The following TSPAN9 variants were observed in gnomAD, a reference collection of about 807,000 sequenced individuals.
TSPAN9 encodes the protein tetraspanin 9.
A neutral mutation model predicts 31.0 loss-of-function variants in TSPAN9; 16 were observed. The observed-to-expected ratio is 0.52, with a 90% CI of 0.35 to 0.78. The LOEUF is 0.78. TSPAN9 is among the 30% of genes least tolerant of loss of function. TSPAN9 has a pLI of 0.01. For missense variants in TSPAN9, 272 were observed against 312.5 expected (o/e 0.87, Z 0.98); for synonymous variants, 145 against 121.6 (o/e 1.19, Z -1.27).
chr12:3,179,470 C>G (rs1042646447), intron 2 of TSPAN9, among the ~76,000 whole-genome samples: 3 of 152,174 alleles, frequency 2.0e-5, no homozygotes, highest in African/African-American at 7.2e-5. Context: ...TGCTTGGAGC[C>G]TTCAGATGCG....
chr12:3,248,588 C>T (rs889914591), intron 3 of TSPAN9, among the ~76,000 whole-genome samples: 7 of 150,806 alleles, frequency 4.6e-5, no homozygotes, highest in African/African-American at 1.5e-4. Flanking sequence ...AGCATTTTTA[C>T]GTCCATTACA....
chr12:3,268,590 ATTCCTGCAGCCTGCCCTCCCTGTG>A (rs1565639457), intron 3 of TSPAN9, among the ~76,000 whole-genome samples: 4 of 29,746 alleles, frequency 1.3e-4, no homozygotes, highest in African/African-American at 6.0e-4. Flanking sequence ...CCCTCCGTGC[ATTCCTGCAGCCTGCCCTCCCTGTG>A]TTCCTGCAGC....
intron 2 of TSPAN9, among the ~76,000 whole-genome samples, chr12:3,138,632 CAAAAA>C (rs11295678): frequency 3.3e-5 from 5 of 149,940 alleles, no homozygotes; most frequent in East Asian, 4.0e-4. Flanking sequence ...ATCCGCCATA[CAAAAA>C]AAAAAAAAGG....
At chr12:3,233,426 C>T (rs2098391823) in intron 3 of TSPAN9, among the ~76,000 whole-genome samples, 1 of 152,204 alleles carries the variant, frequency 6.6e-6, no homozygotes, top group Non-Finnish European at 1.5e-5. Context: ...CTCCTGAGGG[C>T]ATTTTTATCA....
At chr12:3,077,876 C>G (rs112224683) in intron 1 of TSPAN9, among the ~76,000 whole-genome samples, 4 of 152,294 alleles carry the variant, frequency 2.6e-5, no homozygotes, top group African/African-American at 9.6e-5. Flanking sequence ...TGGCCTGCAG[C>G]CCCCCGGCAC....
intron 2 of TSPAN9, among the ~76,000 whole-genome samples, chr12:3,135,971 T>A (rs1382055964): frequency 1.3e-5 from 2 of 152,144 alleles, no homozygotes; most frequent in Non-Finnish European, 2.9e-5. Context: ...TTCAGTGTCT[T>A]AAAGGGTCCA....
intron 3 of TSPAN9, among the ~76,000 whole-genome samples, chr12:3,224,569 C>G (rs1225542657): frequency 1.3e-5 from 2 of 152,316 alleles, no homozygotes; most frequent in Non-Finnish European, 2.9e-5. Flanking sequence ...TGGGGCAGCC[C>G]AGCTGGGAGA....
chr12:3,099,335 T>C (rs2098310734), intron 2 of TSPAN9, among the ~76,000 whole-genome samples: 2 of 152,204 alleles, frequency 1.3e-5, no homozygotes, highest in South Asian at 2.1e-4. Flanking sequence ...GTATTTTTCA[T>C]TTCTGACATT....
intron 3 of TSPAN9, among the ~76,000 whole-genome samples, chr12:3,274,938 T>C (rs1239024387): frequency 6.6e-6 from 1 of 152,220 alleles, no homozygotes; most frequent in Non-Finnish European, 1.5e-5. Context: ...CAGTCCAGAC[T>C]GCGCCCCCGT....
chr12:3,141,383 G>A (rs567695678), intron 2 of TSPAN9, among the ~76,000 whole-genome samples: 2 of 152,258 alleles, frequency 1.3e-5, no homozygotes, highest in South Asian at 2.1e-4. Flanking sequence ...CTCCCAGCCT[G>A]GTGGTGATGG....
intron 2 of TSPAN9, among the ~76,000 whole-genome samples, chr12:3,152,024 GGGGGC>G (rs2098340016): frequency 6.6e-6 from 1 of 152,230 alleles, no homozygotes; most frequent in Admixed American, 6.5e-5. Context: ...GCCTGCTGGA[GGGGGC>G]TGTGATTTGC....
intron 3 of TSPAN9, among the ~76,000 whole-genome samples, chr12:3,228,089 C>T (rs1019498382): frequency 6.6e-6 from 1 of 152,196 alleles, no homozygotes; most frequent in East Asian, 1.9e-4. Context: ...GGGCTCATGT[C>T]TGTAATCCCA....
rs535569919 is a variant in TSPAN9 at position 3,193,701 on chromosome 12, C to T, written c.-17-7476C>T. 5.3e-5 allele frequency among the ~76,000 whole-genome samples: 8 copies of T among 152,360 alleles called. No homozygotes were observed. In the East Asian group the frequency reaches 9.6e-4, roughly 18 times the overall value. On this transcript the variant is annotated intron_variant, in intron 2 of 8. Coordinates refer to ENST00000011898, the MANE Select transcript of TSPAN9 (RefSeq NM_006675.5). ...GGCAGCAGTGCTCCTGGCTGTGCTC[C>T]GTGGAGCCCCTCCAAGAGGCCCAGC...
chr12:3,097,379 G>T (rs1011046160), intron 2 of TSPAN9, among the ~76,000 whole-genome samples: 8 of 152,238 alleles, frequency 5.3e-5, no homozygotes, highest in Non-Finnish European at 1.2e-4. Context: ...GCTGAGCTCA[G>T]ATCTCTCTGG....
chr12:3,270,762 A>C (rs574047214), intron 3 of TSPAN9, among the ~76,000 whole-genome samples: 1 of 152,348 alleles, frequency 6.6e-6, no homozygotes, highest in Non-Finnish European at 1.5e-5. Context: ...TCTCGGATAG[A>C]ATCTCCTTCA....
rs1198021241 is a variant in TSPAN9 at position 3,168,823 on chromosome 12, AT to A, written c.-17-32353del. Among the ~76,000 whole-genome samples the A allele has an allele frequency of 6.6e-6, 1 of 152,168 alleles. No homozygotes were observed. The highest frequency in any genetic ancestry group is 2.4e-5 in the African/African-American group (1 of 41,450). Reference sequence around the variant, plus strand: ...AAGTACTCGTTGAGTAAATGAATGAATCAGATGCGCTGCCTCGATGGCCCCG... The same window carrying A: ...AAGTACTCGTTGAGTAAATGAATGAACAGATGCGCTGCCTCGATGGCCCCG... On this transcript the variant is annotated intron_variant, in intron 2 of 8. Transcript: ENST00000011898. The surrounding 1 kb of genome is among the most constrained non-coding windows in gnomAD (Gnocchi z 4.0).
At chr12:3,224,667 T>A (rs940651778) in intron 3 of TSPAN9, among the ~76,000 whole-genome samples, 2 of 152,230 alleles carry the variant, frequency 1.3e-5, no homozygotes, top group South Asian at 4.1e-4. Flanking sequence ...GGATCTCCGA[T>A]GAGGCCTAGC....
rs5796038 is a variant in TSPAN9, at chr12:3,147,105, CCTTA to C, written c.-17-54068_-17-54065del. 0.069 allele frequency among the ~76,000 whole-genome samples: 10,550 copies of C among 152,158 alleles called. 400 individuals are homozygous for C. Among genetic ancestry groups the C allele is most frequent in the East Asian group, 0.14 (695 of 5,132 alleles). The stretch of plus-strand genomic sequence containing the variant: ...AAACTAGCATTCTCTCCCCTTTTCT[CCTTA>C]CTTCCTTTCTGCAGGGTATGTAGTG... On this transcript the variant is annotated intron_variant, in intron 2 of 8. Transcript: ENST00000011898. This position sits in a 1 kb window ranked among gnomAD's most constrained non-coding sequence, Gnocchi z 4.3.
chr12:3,265,643 G>A lies in TSPAN9; in HGVS notation c.64-12778G>A, dbSNP rs747219913. ...CTGCCCCTGCCTGCTGTGGCCGTGCGCCCCCTCCTTTCCCCACGCCACCAC... is the reference window on the plus strand; with the variant it reads ...CTGCCCCTGCCTGCTGTGGCCGTGCACCCCCTCCTTTCCCCACGCCACCAC... On this transcript the variant is annotated intron_variant, in intron 3 of 8. Transcript: ENST00000011898. Among the ~76,000 whole-genome samples, 14 of 152,196 alleles carry A rather than the reference G, an allele frequency of 9.2e-5. No homozygotes were observed. The South Asian group carries it at 2.5e-3, about 27-fold the overall frequency.
Sources: allele counts gnomAD v4.1 joint callset (sites outside exome capture counted in the v4.1 genomes callset), GRCh38; gene constraint gnomAD v4.1.1; non-coding constraint Gnocchi (gnomAD v3.1); transcripts MANE v1.5; gene names NCBI Gene and HGNC (gene_info 2026-07-23, HGNC 2026-07-21).